MAGI3: variants seen among roughly 807,000 people sequenced by gnomAD.
MAGI3 encodes membrane associated guanylate kinase, WW and PDZ domain containing 3, also known as membrane-associated guanylate kinase, WW and PDZ domain-containing protein 3.
Under a neutral mutation model 121.8 loss-of-function variants are expected in MAGI3, and 43 were observed. The ratio of observed to expected loss-of-function variants is 0.35; its 90% CI spans 0.28 to 0.46. MAGI3 has a LOEUF of 0.46. MAGI3 is among the 20% of genes least tolerant of loss of function. MAGI3 has a pLI of 1.00. For synonymous variants in MAGI3, 553 were observed against 639.3 expected (o/e 0.86, Z 2.04); for missense variants, 1,547 against 1,797.3 (o/e 0.86, Z 2.52).
chr1:113,639,702 G>A (rs1326004542), intron 9 of MAGI3, among the ~76,000 whole-genome samples: 2 of 152,110 alleles, frequency 1.3e-5, no homozygotes, highest in African/African-American at 4.8e-5. Context: ...TGAGTAGCTG[G>A]GATTATAGCA....
rs1314562396 is a variant in MAGI3 at position 113,685,358 on chromosome 1, C to CTAT, written c.*1346_*1348dup. On this transcript the variant is annotated 3_prime_UTR_variant, in exon 21 of 21. Coordinates refer to ENST00000307546, the MANE Select transcript of MAGI3 (RefSeq NM_001142782.2). ...ATAAAGGCACCTTCTGAGAATAAAACTATTTTATGGAGTGTGTGAACACAC... is the reference window on the plus strand; with the variant it reads ...ATAAAGGCACCTTCTGAGAATAAAACTATTATTTTATGGAGTGTGTGAACACAC... 3 of 152,350 alleles carry CTAT rather than the reference C, an allele frequency of 2.0e-5. No individual in the cohort carries two copies. The highest frequency in any genetic ancestry group is 2.9e-5 in the Non-Finnish European group (2 of 68,026). 9.4% of individuals were successfully genotyped at this position (152,350 alleles called of 1,614,324 possible).
chr1:113,673,781 T>G lies in MAGI3; in HGVS notation c.3189+316T>G, dbSNP rs555916260. ...GGGTAAACGAATTAATAAATACACT[T>G]TTCATCTTAATAAGAGTCTTGAGAA... On this transcript the variant is annotated intron_variant, in intron 19 of 20. Coordinates refer to ENST00000307546, the MANE Select transcript of MAGI3 (RefSeq NM_001142782.2). Among the ~76,000 whole-genome samples the G allele has an allele frequency of 2.0e-5, 3 of 152,322 alleles. No individual in the cohort carries two copies. The South Asian group carries it at 6.2e-4, about 32-fold the overall frequency.
At chr1:113,539,873 C>T (rs981510612) in intron 1 of MAGI3, among the ~76,000 whole-genome samples, 26 of 150,972 alleles carry the variant, frequency 1.7e-4, no homozygotes, top group Non-Finnish European at 3.2e-4. Context: ...ACTGTAGCTT[C>T]GACCTCCCTG....
At chr1:113,635,220 C>G (rs2101809862) in intron 9 of MAGI3, among the ~76,000 whole-genome samples, 1 of 152,244 alleles carries the variant, frequency 6.6e-6, no homozygotes, top group South Asian at 2.1e-4. Flanking sequence ...CCCTTTATTT[C>G]CTTCTCCTGC....
In MAGI3 at chr1:113,622,881, G is replaced by A. The variant is rs780183167; in HGVS notation, c.1247G>A (p.Ser416Asn). ...CTTGTTCGAGCATCACTGAAAAAAA[G>A]CACAATGGGATTTGGTTTTACTATT... is the stretch of plus-strand genomic sequence containing the variant. ...GVLVRASLKKSTMGFGFTIIG... is the reference protein window; with the variant it reads ...GVLVRASLKKNTMGFGFTIIG... Residue 416 changes from serine (S) to asparagine (N), a missense_variant, in exon 9 of 21, where the codon AGC becomes AAC. Ser to Asn is a conservative substitution (Grantham distance 46). Transcript: ENST00000307546. 1 of 1,602,214 alleles carries A rather than the reference G, an allele frequency of 6.2e-7. No homozygotes were observed. The highest frequency in any genetic ancestry group is 8.5e-7 in the Non-Finnish European group (1 of 1,175,704).
chr1:113,573,858 T>C (rs1199174060), intron 2 of MAGI3, among the ~76,000 whole-genome samples: 1 of 152,236 alleles, frequency 6.6e-6, no homozygotes, highest in Non-Finnish European at 1.5e-5. Flanking sequence ...AGAACTTGCT[T>C]TATGAATCTG....
chr1:113,475,928 A>AT (rs1320747495), intron 1 of MAGI3, among the ~76,000 whole-genome samples: 1 of 152,122 alleles, frequency 6.6e-6, no homozygotes, highest in Non-Finnish European at 1.5e-5. Context: ...CTATTCAGAG[A>AT]TTCACCTTCT....
intron 1 of MAGI3, among the ~76,000 whole-genome samples, chr1:113,407,568 CTGTCT>C (rs1410954935): frequency 1.6e-5 from 2 of 126,808 alleles, no homozygotes; most frequent in Non-Finnish European, 1.7e-5. Flanking sequence ...ATCCATCAAT[CTGTCT>C]TTTTTTTTTT....
At chr1:113,613,666 A>G (rs1001970569) in intron 6 of MAGI3, among the ~76,000 whole-genome samples, 1 of 152,164 alleles carries the variant, frequency 6.6e-6, no homozygotes, top group African/African-American at 2.4e-5. Context: ...AAAGCGTGGG[A>G]CATCATAGTG....
intron 2 of MAGI3, among the ~76,000 whole-genome samples, chr1:113,554,896 TG>T (rs1659926365): frequency 6.6e-6 from 1 of 152,042 alleles, no homozygotes; most frequent in African/African-American, 2.4e-5. Flanking sequence ...GAAGCTGAGG[TG>T]GGAGGATCAC....
chr1:113,676,084 A>C (rs1647850828), intron 19 of MAGI3, among the ~76,000 whole-genome samples: 1 of 150,766 alleles, frequency 6.6e-6, no homozygotes, highest in Non-Finnish European at 1.5e-5. Flanking sequence ...TCTCTCACAC[A>C]CACAACCTAT....
chr1:113,643,942 G>C (rs1018928085), intron 11 of MAGI3, among the ~76,000 whole-genome samples, 168 bp downstream of exon 11: 1 of 152,192 alleles, frequency 6.6e-6, no homozygotes, highest in Non-Finnish European at 1.5e-5. Context: ...GTTTGAAAAA[G>C]CCCCCTAGTG....
At position 113,647,769 on chromosome 1, in the gene MAGI3, G is replaced by A. The variant is rs543926186; in HGVS notation, c.2155+1127G>A. ...TCAGAAAGATGAAAACCAGTTGTAC[G>A]CCCAGCAAAGCAATAATTTAAATTA... On this transcript the variant is annotated intron_variant, in intron 12 of 20. Coordinates refer to ENST00000307546, the MANE Select transcript of MAGI3 (RefSeq NM_001142782.2). Among the ~76,000 whole-genome samples the A allele has an allele frequency of 3.9e-5, 6 of 152,214 alleles. No homozygotes were observed. The East Asian group carries it at 5.8e-4, about 15-fold the overall frequency.
At chr1:113,678,137 C>A (rs1310238311) in intron 19 of MAGI3, among the ~76,000 whole-genome samples, 1 of 151,120 alleles carries the variant, frequency 6.6e-6, no homozygotes, top group Non-Finnish European at 1.5e-5. Context: ...CAGTTTATTG[C>A]AGGAAAAGAA....
chr1:113,639,398 TG>T (rs1375539087), intron 9 of MAGI3, among the ~76,000 whole-genome samples: 2 of 152,182 alleles, frequency 1.3e-5, no homozygotes, highest in Non-Finnish European at 2.9e-5. Flanking sequence ...TTAGTTTTTT[TG>T]TTTGTTTGTT....
At chr1:113,586,438 G>A (rs1484415311) in intron 4 of MAGI3, among the ~76,000 whole-genome samples, 1 of 152,112 alleles carries the variant, frequency 6.6e-6, no homozygotes, top group African/African-American at 2.4e-5. Flanking sequence ...TTATTAAAAT[G>A]TGATATGTAT....
At chr1:113,480,814 G>A (rs771859492) in intron 1 of MAGI3, among the ~76,000 whole-genome samples, 22 of 152,018 alleles carry the variant, frequency 1.4e-4, no homozygotes, top group Non-Finnish European at 2.8e-4. Context: ...GACAAGGGCT[G>A]GAAACTCCTA....
intron 1 of MAGI3, among the ~76,000 whole-genome samples, chr1:113,482,821 TTTG>T (rs1656176392): frequency 6.6e-6 from 1 of 151,972 alleles, no homozygotes; most frequent in Non-Finnish European, 1.5e-5. Flanking sequence ...CCTTTTTTTT[TTTG>T]AGACAGGATC....
chr1:113,433,760 T>G (rs1653421129), intron 1 of MAGI3, among the ~76,000 whole-genome samples: 1 of 152,208 alleles, frequency 6.6e-6, no homozygotes, highest in Non-Finnish European at 1.5e-5. Flanking sequence ...TGTCTTTTTT[T>G]TGTAACCTTT....
Sources: allele counts gnomAD v4.1 joint callset (sites outside exome capture counted in the v4.1 genomes callset), GRCh38; gene constraint gnomAD v4.1.1; transcripts MANE v1.5; gene names NCBI Gene and HGNC (gene_info 2026-07-23, HGNC 2026-07-21).